Variants in MTA3 observed in about 807,000 individuals in gnomAD.
MTA3 encodes the protein metastasis-associated protein MTA3.
In MTA3, 34 loss-of-function variants were observed where a neutral mutation model predicts 83.5. That is an observed-to-expected ratio of 0.41 (90% CI 0.31 to 0.54). The LOEUF (loss-of-function observed/expected upper bound fraction) is 0.54, where lower values mean the gene tolerates loss of function less well. MTA3 is among the 20% of genes least tolerant of loss of function. MTA3 has a pLI of 0.33. For synonymous variants in MTA3, 303 were observed against 252.7 expected, an observed-to-expected ratio of 1.20 and a Z score of -1.89; for missense variants, 761 against 726.4, an observed-to-expected ratio of 1.05 and a Z score of -0.55.
chr2:42,628,221 T>TATTTATTTATTC (rs1686316854), intron 4 of MTA3, among the ~76,000 whole-genome samples: 1 of 150,080 alleles, frequency 6.7e-6, no homozygotes, highest in African/African-American at 2.4e-5. Flanking sequence ...TTTATTTATT[T>TATTTATTTATTC]ATTTATTTAT....
intron 16 of MTA3, among the ~76,000 whole-genome samples, chr2:42,728,198 C>G (rs1271753322): frequency 6.6e-6 from 1 of 152,130 alleles, no homozygotes; most frequent in Non-Finnish European, 1.5e-5. Flanking sequence ...TGCAGTTTGT[C>G]TTTCTGTTCA....
At chr2:42,676,136 G>C (rs1454815067) in intron 8 of MTA3, among the ~76,000 whole-genome samples, 1 of 152,156 alleles carries the variant, frequency 6.6e-6, no homozygotes, top group African/African-American at 2.4e-5. Flanking sequence ...CATTTGATTT[G>C]AGACAGTACA....
chr2:42,750,509 G>A (rs112249644), intron 16 of MTA3, among the ~76,000 whole-genome samples: 7 of 152,174 alleles, frequency 4.6e-5, no homozygotes, highest in African/African-American at 9.6e-5. Context: ...AACCTGTAGT[G>A]CAGTTCACTG....
At chr2:42,673,516 A>G (rs1287138807) in intron 8 of MTA3, among the ~76,000 whole-genome samples, 3 of 152,200 alleles carry the variant, frequency 2.0e-5, no homozygotes, top group East Asian at 1.9e-4. Flanking sequence ...TATTGAATAT[A>G]GTATATGTGT....
chr2:42,643,060 A>C (rs1407791959), intron 5 of MTA3, among the ~76,000 whole-genome samples: 3 of 101,612 alleles, frequency 3.0e-5, no homozygotes, highest in Non-Finnish European at 4.0e-5. Flanking sequence ...TTTTTTTAAC[A>C]GTTTTTTTGT....
At chr2:42,516,837 A>G (rs1675166830) in intron 2 of MTA3, among the ~76,000 whole-genome samples, 1 of 152,242 alleles carries the variant, frequency 6.6e-6, no homozygotes, top group African/African-American at 2.4e-5. Flanking sequence ...ATGAAAATGC[A>G]GTATCTGCCA....
intron 4 of MTA3, among the ~76,000 whole-genome samples, chr2:42,625,982 G>A (rs868046203): frequency 1.1e-4 from 14 of 131,044 alleles, no homozygotes; most frequent in Non-Finnish European, 1.6e-4. Context: ...CTGCTTTGTC[G>A]CCCAGGCTGG....
intron 4 of MTA3, among the ~76,000 whole-genome samples, chr2:42,629,561 T>A (rs6544579): frequency 6.6e-6 from 1 of 151,976 alleles, no homozygotes; most frequent in Non-Finnish European, 1.5e-5. Flanking sequence ...GTAAGGTCCT[T>A]GAACAAGGAG....
intron 3 of MTA3, among the ~76,000 whole-genome samples, chr2:42,591,765 C>G (rs1681034648): frequency 2.6e-5 from 4 of 152,084 alleles, no homozygotes; most frequent in Admixed American, 2.6e-4. Flanking sequence ...ATTCTCCTGC[C>G]TCAGCCTCCC....
rs190691199 is a variant in MTA3, at chr2:42,661,181, C to T, written c.702+1319C>T. On this transcript the variant is annotated intron_variant, in intron 8 of 16. Coordinates refer to ENST00000405094, the MANE Select transcript of MTA3 (RefSeq NM_001330442.2). Reference sequence around the variant, plus strand: ...TTTGTATTTCAGTTGTTTAGAGCTTCGAGAATATTTTATCAGAGAAGCAAG... The same window carrying T: ...TTTGTATTTCAGTTGTTTAGAGCTTTGAGAATATTTTATCAGAGAAGCAAG... 2.1e-4 allele frequency among the ~76,000 whole-genome samples: 32 copies of T among 152,136 alleles called. No individual in the cohort carries two copies. The East Asian group carries it at 5.2e-3, about 25-fold the overall frequency.
Position 42,683,582 on chromosome 2 carries a change from G to A in MTA3, c.891+993G>A, listed in dbSNP as rs144903149. 1.3e-3 allele frequency among the ~76,000 whole-genome samples: 195 copies of A among 152,284 alleles called. 2 individuals carry two copies. Among genetic ancestry groups the A allele is most frequent in the African/African-American group, 4.5e-3 (188 of 41,540 alleles). ...TACGACTCACCATAATGGAGAATCA[G>A]TGAGACCTCTGAGCTTGTTTTTCTG... On this transcript the variant is annotated intron_variant, in intron 9 of 16. Coordinates refer to ENST00000405094, the MANE Select transcript of MTA3 (RefSeq NM_001330442.2).
chr2:42,574,254 C>T (rs533459703), intron 2 of MTA3, among the ~76,000 whole-genome samples: 160 of 151,762 alleles, frequency 1.1e-3, no homozygotes, highest in Non-Finnish European at 1.9e-3. Context: ...CCTGCCTCAG[C>T]CTCCTGAGCA....
intron 2 of MTA3, among the ~76,000 whole-genome samples, chr2:42,561,334 T>C (rs1264259307): frequency 1.3e-5 from 2 of 152,026 alleles, no homozygotes; most frequent in African/African-American, 4.8e-5. Flanking sequence ...ATTTCTTTTT[T>C]TTTTTTTAGA....
At chr2:42,531,565 G>A (rs910347124) in intron 2 of MTA3, among the ~76,000 whole-genome samples, 1 of 143,786 alleles carries the variant, frequency 7.0e-6, no homozygotes, top group Non-Finnish European at 1.5e-5. Context: ...CAATTCTCCT[G>A]CCTCAGCCTC....
intron 4 of MTA3, among the ~76,000 whole-genome samples, chr2:42,619,677 G>T (rs1685311876): frequency 6.6e-6 from 1 of 152,158 alleles, no homozygotes; most frequent in Non-Finnish European, 1.5e-5. Flanking sequence ...TTCAAAAAAA[G>T]GGAAGGACTA....
chr2:42,718,707 G>A (rs1230021412), intron 14 of MTA3, among the ~76,000 whole-genome samples: 2 of 152,002 alleles, frequency 1.3e-5, no homozygotes, highest in Admixed American at 6.6e-5. Flanking sequence ...AGGTTGCAGT[G>A]AGCTGAGAGC....
chr2:42,595,711 A>G (rs1209792551), intron 3 of MTA3, among the ~76,000 whole-genome samples: 4 of 152,160 alleles, frequency 2.6e-5, no homozygotes, highest in Admixed American at 6.6e-5. Flanking sequence ...TTGGGTATAT[A>G]TATATTTTTT....
intron 2 of MTA3, among the ~76,000 whole-genome samples, chr2:42,500,445 C>A (rs1211021212): frequency 6.6e-6 from 1 of 151,982 alleles, no homozygotes; most frequent in African/African-American, 2.4e-5. Flanking sequence ...GTAGTCCCTG[C>A]TACTCAGGAG....
At chr2:42,714,870 C>G (rs1162058148) in intron 14 of MTA3, among the ~76,000 whole-genome samples, 3 of 152,212 alleles carry the variant, frequency 2.0e-5, no homozygotes, top group African/African-American at 7.2e-5. Flanking sequence ...AATGCTGCCA[C>G]TGACCTGACA....
Sources: allele counts gnomAD v4.1 joint callset (sites outside exome capture counted in the v4.1 genomes callset), GRCh38; gene constraint gnomAD v4.1.1; transcripts MANE v1.5; gene names NCBI Gene and HGNC (gene_info 2026-07-23, HGNC 2026-07-21).